The following CA10 variants were observed in gnomAD, a reference collection of about 807,000 sequenced individuals.
CA10 encodes carbonic anhydrase-related protein 10.
In CA10, 14 loss-of-function variants were observed where a neutral mutation model predicts 44.2. That is an observed-to-expected ratio of 0.32 (90% confidence interval 0.21 to 0.50). The LOEUF is 0.50. CA10 is among the 20% of genes least tolerant of loss of function. CA10 has a pLI of 0.99. For synonymous variants in CA10, 159 were observed against 141.6 expected (o/e 1.12, Z -0.87); for missense variants, 350 against 409.7 (o/e 0.85, Z 1.26).
intron 2 of CA10, among the ~76,000 whole-genome samples, chr17:52,053,874 C>T (rs2143059524): frequency 6.6e-6 from 1 of 152,258 alleles, no homozygotes; most frequent in African/African-American, 2.4e-5. Flanking sequence ...ACACTTATCA[C>T]TTCCCCAATC....
At chr17:51,979,096 C>T (rs920567842) in intron 2 of CA10, among the ~76,000 whole-genome samples, 1 of 152,154 alleles carries the variant, frequency 6.6e-6, no homozygotes, top group Non-Finnish European at 1.5e-5. Flanking sequence ...TCTCTAGGAC[C>T]TATGAGTATA....
intron 3 of CA10, among the ~76,000 whole-genome samples, chr17:51,848,177 C>G (rs1221816245): frequency 6.6e-6 from 1 of 151,356 alleles, no homozygotes; most frequent in Non-Finnish European, 1.5e-5. Flanking sequence ...TAAACAGAGA[C>G]AGGATCCAGC....
intron 3 of CA10, among the ~76,000 whole-genome samples, chr17:51,750,334 G>T (rs1229342262): frequency 6.6e-6 from 1 of 151,582 alleles, no homozygotes; most frequent in Non-Finnish European, 1.5e-5. Flanking sequence ...ATATAATATA[G>T]ACTTTTCACT....
chr17:51,934,081 T>C (rs994366359), intron 2 of CA10, among the ~76,000 whole-genome samples: 11 of 152,086 alleles, frequency 7.2e-5, no homozygotes, highest in African/African-American at 2.4e-4. Context: ...GTGAGAAACC[T>C]CTCTCCTGCT....
chr17:51,814,422 C>T (rs891355609), intron 3 of CA10, among the ~76,000 whole-genome samples: 1 of 152,074 alleles, frequency 6.6e-6, no homozygotes, highest in Non-Finnish European at 1.5e-5. Context: ...AATATTAGTC[C>T]CTCAAGATAC....
At chr17:52,093,187 G>A (rs1988314962) in intron 1 of CA10, among the ~76,000 whole-genome samples, 1 of 152,152 alleles carries the variant, frequency 6.6e-6, no homozygotes, top group Non-Finnish European at 1.5e-5. Context: ...AGAGGACATA[G>A]TTGGGGAAAC....
chr17:51,839,047 A>G (rs941044693), intron 3 of CA10, among the ~76,000 whole-genome samples: 1 of 152,230 alleles, frequency 6.6e-6, no homozygotes, highest in Admixed American at 6.5e-5. Context: ...CAAGGCAGGC[A>G]CTACACAAAA....
chr17:51,942,114 A>G (rs915824520), intron 2 of CA10, among the ~76,000 whole-genome samples: 1 of 152,098 alleles, frequency 6.6e-6, no homozygotes, highest in African/African-American at 2.4e-5. Context: ...AGTTTTTGCA[A>G]TTTCTCATTG....
At chr17:51,753,990 C>T (rs1013710089) in intron 3 of CA10, among the ~76,000 whole-genome samples, 5 of 152,040 alleles carry the variant, frequency 3.3e-5, no homozygotes, top group African/African-American at 1.2e-4. Context: ...ATTACAGGTA[C>T]CTGCCATCAC....
At chr17:51,769,974 G>A (rs1905536150) in intron 3 of CA10, among the ~76,000 whole-genome samples, 1 of 152,150 alleles carries the variant, frequency 6.6e-6, no homozygotes, top group Non-Finnish European at 1.5e-5. Context: ...GCTACTCTGA[G>A]TCTTTTTTAG....
intron 4 of CA10, among the ~76,000 whole-genome samples, chr17:51,686,409 T>C (rs189660886): frequency 1.3e-5 from 2 of 152,290 alleles, no homozygotes; most frequent in East Asian, 1.9e-4. Context: ...CACCAAAGTA[T>C]CTCAATCAGT....
chr17:52,145,766 ACT>A (rs1223474695), intron 1 of CA10, among the ~76,000 whole-genome samples: 1 of 152,182 alleles, frequency 6.6e-6, no homozygotes, highest in Non-Finnish European at 1.5e-5. Context: ...ATACTTGCTT[ACT>A]CTCTCAAGGA....
intron 2 of CA10, among the ~76,000 whole-genome samples, chr17:52,026,207 T>A (rs151084561): frequency 1.3e-5 from 2 of 152,062 alleles, no homozygotes; most frequent in Non-Finnish European, 2.9e-5. Flanking sequence ...CAGAGTGACA[T>A]GGGTTAGGGG....
At chr17:52,026,870 C>A (rs1986318912) in intron 2 of CA10, among the ~76,000 whole-genome samples, 1 of 152,046 alleles carries the variant, frequency 6.6e-6, no homozygotes, top group African/African-American at 2.4e-5. Context: ...ATATCATCAA[C>A]ATTTCTGGCA....
chr17:52,094,703 A>G (rs1426925850), intron 1 of CA10, among the ~76,000 whole-genome samples: 2 of 152,174 alleles, frequency 1.3e-5, no homozygotes, highest in Non-Finnish European at 2.9e-5. Context: ...GAATATCCAA[A>G]TGGGCAGTAA....
At chr17:51,735,334 C>A (rs1916865303) in intron 4 of CA10, among the ~76,000 whole-genome samples, 1 of 151,992 alleles carries the variant, frequency 6.6e-6, no homozygotes, top group Admixed American at 6.6e-5. Flanking sequence ...TAAGTGGGAG[C>A]TAAACGTTGG....
At chr17:51,741,171 C>A (rs1904447691) in intron 4 of CA10, among the ~76,000 whole-genome samples, 3 of 152,164 alleles carry the variant, frequency 2.0e-5, no homozygotes, top group Admixed American at 1.3e-4. Flanking sequence ...TCTGCAGCCA[C>A]CTATGGGCAT....
At chr17:52,070,735 C>G (rs550438656) in intron 2 of CA10, among the ~76,000 whole-genome samples, 1 of 151,902 alleles carries the variant, frequency 6.6e-6, no homozygotes, top group East Asian at 1.9e-4. Flanking sequence ...AAGCAACAAC[C>G]AACTCAAAAT....
At position 52,136,396 on chromosome 17, in the gene CA10, A is replaced by C. The variant is rs773044569; in HGVS notation, c.61+21330T>G. ...GAATGGGGAGGATCCTGATTTAATG[A>C]GCAAGTTACACCATCTGTCAACAGG... On this transcript the variant is annotated intron_variant, in intron 1 of 8. Coordinates refer to ENST00000451037, the MANE Select transcript of CA10 (RefSeq NM_020178.5). 5.3e-5 allele frequency among the ~76,000 whole-genome samples: 8 copies of C among 152,174 alleles called. No homozygotes were observed. The South Asian group carries it at 1.0e-3, about 20-fold the overall frequency.
Sources: allele counts gnomAD v4.1 joint callset (sites outside exome capture counted in the v4.1 genomes callset), GRCh38; gene constraint gnomAD v4.1.1; transcripts MANE v1.5; gene names NCBI Gene and HGNC (gene_info 2026-07-23, HGNC 2026-07-21).